The following GRID2 variants were observed in gnomAD, a reference collection of about 807,000 sequenced individuals.
GRID2 encodes glutamate ionotropic receptor delta type subunit 2.
A neutral mutation model predicts 114.8 loss-of-function variants in GRID2; 33 were observed. The ratio of observed to expected loss-of-function variants is 0.29; its 90% CI spans 0.22 to 0.38. GRID2 has a LOEUF of 0.38. Among genes scored for constraint, GRID2 ranks in the 10% least tolerant of loss-of-function variants. The probability of loss-of-function intolerance (pLI) is 1.00; values close to 1 mark genes in which losing one functional copy is unlikely to be tolerated. For synonymous variants in GRID2, 505 were observed against 449.9 expected, an observed-to-expected ratio of 1.12 and a Z score of -1.55; for missense variants, 1,184 against 1,257.7, an observed-to-expected ratio of 0.94 and a Z score of 0.89.
At chr4:93,516,004 T>C (rs766781725) in intron 13 of GRID2, among the ~76,000 whole-genome samples, 16 of 152,184 alleles carry the variant, frequency 1.1e-4, no homozygotes, top group Non-Finnish European at 2.2e-4. Context: ...CTATTTTTAC[T>C]CTGAGCTGTA....
At chr4:93,735,646 C>T (rs528395642) in intron 14 of GRID2, among the ~76,000 whole-genome samples, 3 of 152,056 alleles carry the variant, frequency 2.0e-5, no homozygotes, top group African/African-American at 7.2e-5. Context: ...TGATAGGTTC[C>T]CTTAGAAAAT....
chr4:92,751,388 AT>A (rs1205703576), intron 2 of GRID2, among the ~76,000 whole-genome samples: 1 of 152,194 alleles, frequency 6.6e-6, no homozygotes, highest in Non-Finnish European at 1.5e-5. Context: ...CACATTTAAA[AT>A]GAAAGTATTT....
intron 2 of GRID2, among the ~76,000 whole-genome samples, chr4:92,645,231 G>A (rs1731550130): frequency 6.6e-6 from 1 of 151,576 alleles, no homozygotes; most frequent in Non-Finnish European, 1.5e-5. Context: ...TTCCATGTGT[G>A]TCTTTTCTTT....
chr4:93,029,235 A>G (rs555456572), intron 2 of GRID2, among the ~76,000 whole-genome samples: 5 of 152,226 alleles, frequency 3.3e-5, no homozygotes, highest in African/African-American at 4.8e-5. Context: ...AAACTTTAGT[A>G]CTGAATTCTT....
At chr4:92,831,496 T>G (rs767655787) in intron 2 of GRID2, among the ~76,000 whole-genome samples, 1 of 152,018 alleles carries the variant, frequency 6.6e-6, no homozygotes. Flanking sequence ...CAATTTCGTT[T>G]TTTTTTTTTT....
At chr4:93,459,751 C>T (rs1433791211) in intron 11 of GRID2, among the ~76,000 whole-genome samples, 1 of 152,128 alleles carries the variant, frequency 6.6e-6, no homozygotes, top group Non-Finnish European at 1.5e-5. Flanking sequence ...TCTGACTATA[C>T]CAGAGGCACC....
intron 2 of GRID2, among the ~76,000 whole-genome samples, chr4:92,829,456 T>C (rs1003497847): frequency 3.3e-5 from 5 of 152,144 alleles, no homozygotes; most frequent in Admixed American, 2.6e-4. Context: ...GGGGAGGTTA[T>C]TGAGAAATAG....
intron 1 of GRID2, among the ~76,000 whole-genome samples, chr4:92,563,646 T>C (rs1429938032): frequency 6.6e-6 from 1 of 152,094 alleles, no homozygotes; most frequent in Non-Finnish European, 1.5e-5. Flanking sequence ...TAAGTCTCTT[T>C]CCTTACCAGA....
chr4:93,422,156 G>C (rs915216490), intron 9 of GRID2, among the ~76,000 whole-genome samples: 6 of 152,098 alleles, frequency 3.9e-5, no homozygotes, highest in African/African-American at 1.2e-4. Flanking sequence ...AAACCAATTT[G>C]CTAAATTTAC....
At chr4:93,295,032 G>C (rs1224381948) in intron 8 of GRID2, among the ~76,000 whole-genome samples, 1 of 152,156 alleles carries the variant, frequency 6.6e-6, no homozygotes, top group African/African-American at 2.4e-5. Flanking sequence ...TACTAAGAAA[G>C]GGAAGACTGA....
chr4:92,719,118 C>G (rs563738673), intron 2 of GRID2, among the ~76,000 whole-genome samples: 1 of 152,040 alleles, frequency 6.6e-6, no homozygotes, highest in South Asian at 2.1e-4. Flanking sequence ...ACCCAAGTAT[C>G]TGGGATTGCA....
At chr4:93,119,808 A>C (rs1054024525) in intron 4 of GRID2, among the ~76,000 whole-genome samples, 1 of 152,320 alleles carries the variant, frequency 6.6e-6, no homozygotes, top group Non-Finnish European at 1.5e-5. Flanking sequence ...AAGGTAGCTT[A>C]TCTCAGTAGA....
chr4:93,225,841 A>C (rs1468545891), intron 7 of GRID2, among the ~76,000 whole-genome samples: 1 of 152,160 alleles, frequency 6.6e-6, no homozygotes, highest in Non-Finnish European at 1.5e-5. Context: ...TTTTTGGCTT[A>C]TGATTCTCAA....
chr4:93,254,058 A>T (rs1749286887), intron 8 of GRID2, among the ~76,000 whole-genome samples: 2 of 152,066 alleles, frequency 1.3e-5, no homozygotes, highest in Admixed American at 1.3e-4. Flanking sequence ...TAGAAAGCTG[A>T]GTTTTTATAG....
At chr4:93,075,881 C>CTTTTTT in intron 2 of GRID2, among the ~76,000 whole-genome samples, 1 of 108,228 alleles carries the variant, frequency 9.2e-6, no homozygotes, top group Non-Finnish European at 1.8e-5. Context: ...GAAGTTACCT[C>CTTTTTT]TCTTTTTTTT....
At chr4:93,200,302 C>G (rs1040472610) in intron 4 of GRID2, among the ~76,000 whole-genome samples, 2 of 152,304 alleles carry the variant, frequency 1.3e-5, no homozygotes, top group Admixed American at 1.3e-4. Context: ...TGCGGTGGCT[C>G]ACGCCTGTAA....
At chr4:92,727,840 T>A (rs1421702131) in intron 2 of GRID2, among the ~76,000 whole-genome samples, 1 of 152,070 alleles carries the variant, frequency 6.6e-6, no homozygotes, top group Non-Finnish European at 1.5e-5. Context: ...ATCTCCATTT[T>A]ATGGATGAAA....
intron 14 of GRID2, among the ~76,000 whole-genome samples, chr4:93,650,503 T>A (rs2149720763): frequency 6.6e-6 from 1 of 152,270 alleles, no homozygotes; most frequent in Non-Finnish European, 1.5e-5. Context: ...TGTGCAAAGA[T>A]TCAGTCTAGA....
chr4:92,998,360 G>A (rs1755332486), intron 2 of GRID2, among the ~76,000 whole-genome samples: 1 of 151,874 alleles, frequency 6.6e-6, no homozygotes, highest in Admixed American at 6.6e-5. Flanking sequence ...ACATCATAAT[G>A]AAATAGAAGT....
Sources: allele counts gnomAD v4.1 joint callset (sites outside exome capture counted in the v4.1 genomes callset), GRCh38; gene constraint gnomAD v4.1.1; transcripts MANE v1.5; gene names NCBI Gene and HGNC (gene_info 2026-07-23, HGNC 2026-07-21).